DLGAP1: variants seen among roughly 807,000 people sequenced by gnomAD.
DLGAP1 encodes the protein disks large-associated protein 1.
In DLGAP1, 11 loss-of-function variants were observed where a neutral mutation model predicts 90.8. That is an observed-to-expected ratio of 0.12 (90% confidence interval 0.08 to 0.20). The LOEUF (loss-of-function observed/expected upper bound fraction) is 0.20, where lower values mean the gene tolerates loss of function less well. DLGAP1 is among the 10% of genes least tolerant of loss of function. The pLI is 1.00. For missense variants in DLGAP1, 1,050 were observed against 1,333.8 expected (o/e 0.79, Z 3.31); for synonymous variants, 558 against 540.7 (o/e 1.03, Z -0.44).
At chr18:3,699,612 G>A (rs1365315484) in intron 7 of DLGAP1, among the ~76,000 whole-genome samples, 3 of 152,094 alleles carry the variant, frequency 2.0e-5, no homozygotes, top group Non-Finnish European at 2.9e-5. Flanking sequence ...GAGGCATGGG[G>A]GTCAGGGACC....
At chr18:3,718,731 G>T (rs1355437346) in intron 7 of DLGAP1, among the ~76,000 whole-genome samples, 1 of 152,006 alleles carries the variant, frequency 6.6e-6, no homozygotes, top group Non-Finnish European at 1.5e-5. Context: ...TTCGAGACCA[G>T]CCTGGCCAAC....
At chr18:3,619,728 CT>C (rs1207015265) in intron 7 of DLGAP1, among the ~76,000 whole-genome samples, 2 of 103,130 alleles carry the variant, frequency 1.9e-5, no homozygotes, top group African/African-American at 3.9e-5. Context: ...TCCTGATGCT[CT>C]TTTAGTTTTT....
chr18:3,606,302 C>T (rs932700427), intron 7 of DLGAP1, among the ~76,000 whole-genome samples: 7 of 152,260 alleles, frequency 4.6e-5, no homozygotes, highest in Non-Finnish European at 4.4e-5. Context: ...AACCCTTCCC[C>T]GCTTCCTTCC....
At chr18:3,826,432 T>A (rs1277369775) in intron 4 of DLGAP1, among the ~76,000 whole-genome samples, 2 of 152,076 alleles carry the variant, frequency 1.3e-5, no homozygotes, top group Admixed American at 6.5e-5. Context: ...ATAGGCATGT[T>A]AATAGTGGCA....
intron 1 of DLGAP1, among the ~76,000 whole-genome samples, chr18:4,401,907 T>C (rs1478049686): frequency 6.6e-6 from 1 of 152,206 alleles, no homozygotes; most frequent in African/African-American, 2.4e-5. Context: ...CCCTCCCCCA[T>C]TGACTATATT....
At chr18:3,983,561 G>A (rs908029888) in intron 3 of DLGAP1, 2 of 152,082 alleles carry the variant, frequency 1.3e-5, no homozygotes, top group Non-Finnish European at 2.9e-5. Flanking sequence ...GACATCATTA[G>A]GTTAAAAAAA....
chr18:3,615,165 G>A (rs753013587), intron 7 of DLGAP1, among the ~76,000 whole-genome samples: 29 of 152,132 alleles, frequency 1.9e-4, no homozygotes, highest in African/African-American at 4.6e-4. Flanking sequence ...CATGTGATCC[G>A]CCAGCCTCGG....
In DLGAP1 at chr18:4,406,569, G is replaced by T. The variant is rs572400350; in HGVS notation, c.-267+48437C>A. Among the ~76,000 whole-genome samples, 17 of 152,306 alleles carry T rather than the reference G, an allele frequency of 1.1e-4. 1 individual carries two copies. The South Asian group carries it at 3.3e-3, about 30-fold the overall frequency. ...TAACAGAGGTTTGTGAATGTCCAAG[G>T]TCACACTGCTAGGAAAAGGCAAGTC... On this transcript the variant is annotated intron_variant, in intron 1 of 12. Coordinates refer to ENST00000315677, the MANE Select transcript of DLGAP1 (RefSeq NM_004746.4).
At position 3,976,717 on chromosome 18, in the gene DLGAP1, G is replaced by A. The variant is rs559135472; in HGVS notation, c.-73+28399C>T. ...CATTATTTTCTTAGGAGAATGTCCT[G>A]TAATGAAATCATGGAGTTAAAGGCA... On this transcript the variant is annotated intron_variant, in intron 3 of 12. Coordinates refer to ENST00000315677, the MANE Select transcript of DLGAP1 (RefSeq NM_004746.4). Among the ~76,000 whole-genome samples, 10 of 152,240 alleles carry A rather than the reference G, an allele frequency of 6.6e-5. No homozygotes were observed. The South Asian group carries it at 2.1e-3, about 32-fold the overall frequency.
At chr18:4,330,214 T>C (rs980409105) in intron 1 of DLGAP1, among the ~76,000 whole-genome samples, 1 of 151,926 alleles carries the variant, frequency 6.6e-6, no homozygotes, top group Non-Finnish European at 1.5e-5. Flanking sequence ...ATGATACTCA[T>C]ATAATTTTCT....
intron 3 of DLGAP1, among the ~76,000 whole-genome samples, chr18:3,980,468 A>T (rs1023183512): frequency 1.3e-5 from 2 of 152,188 alleles, no homozygotes; most frequent in East Asian, 3.9e-4. Context: ...ATGAAGTGGG[A>T]TATTCATCTT....
intron 2 of DLGAP1, among the ~76,000 whole-genome samples, chr18:4,070,584 T>C (rs4464174): frequency 0.83 from 125,072 of 151,594 alleles, 51,817 homozygotes; most frequent in East Asian, 0.94. Context: ...AGATCTATGC[T>C]AAGAGAAACA....
chr18:3,997,870 C>T (rs1196348662), intron 3 of DLGAP1, among the ~76,000 whole-genome samples: 1 of 151,842 alleles, frequency 6.6e-6, no homozygotes, highest in Non-Finnish European at 1.5e-5. Flanking sequence ...TAAGTTTTTG[C>T]TATCTGGTGT....
At position 3,526,775 on chromosome 18, in the gene DLGAP1, A is replaced by C. The variant is rs1364100970; in HGVS notation, c.2479+7419T>G. Among the ~76,000 whole-genome samples, 1 of 152,192 alleles carries C rather than the reference A, an allele frequency of 6.6e-6. No homozygotes were observed. The highest frequency in any genetic ancestry group is 1.5e-5 in the Non-Finnish European group (1 of 68,036). ...CTGGTCGTTTCATCCCCGGTTAGATAATACCAGACGTATCTATGTAACATA... is the reference window on the plus strand; with the variant it reads ...CTGGTCGTTTCATCCCCGGTTAGATCATACCAGACGTATCTATGTAACATA... On this transcript the variant is annotated intron_variant, in intron 10 of 12. Coordinates refer to ENST00000315677, the MANE Select transcript of DLGAP1 (RefSeq NM_004746.4). This position sits in a 1 kb window ranked among gnomAD's most constrained non-coding sequence, Gnocchi z 4.7.
chr18:3,923,133 CAA>C (rs34107115), intron 3 of DLGAP1, among the ~76,000 whole-genome samples: 4 of 71,190 alleles, frequency 5.6e-5, no homozygotes, highest in Non-Finnish European at 2.4e-5. Flanking sequence ...GAACCTGTCT[CAA>C]AAAAAAAAAA....
chr18:3,751,245 G>A (rs1184027729), intron 5 of DLGAP1, among the ~76,000 whole-genome samples: 7 of 152,128 alleles, frequency 4.6e-5, no homozygotes, highest in African/African-American at 1.7e-4. Context: ...GGGTAACTCA[G>A]TTGATCATTA....
chr18:4,348,400 A>ATGTGTGTG (rs71160958), intron 1 of DLGAP1, among the ~76,000 whole-genome samples: 1,490 of 133,460 alleles, frequency 0.011, 19 homozygotes, highest in African/African-American at 0.017. Flanking sequence ...GAACTCAGGA[A>ATGTGTGTG]TGTGTGTGTG....
intron 1 of DLGAP1, among the ~76,000 whole-genome samples, chr18:4,181,149 C>G (rs1259937381): frequency 6.6e-6 from 1 of 152,130 alleles, no homozygotes; most frequent in African/African-American, 2.4e-5. Flanking sequence ...GTCCTTTGAT[C>G]ACATCCATCT....
At chr18:3,874,649 A>T (rs1271634706) in intron 4 of DLGAP1, 1 of 1,535,600 alleles carries the variant, frequency 6.5e-7, no homozygotes, top group African/African-American at 1.4e-5. Flanking sequence ...TTCCAAATGT[A>T]TAAGAGCCAA....
Sources: allele counts gnomAD v4.1 joint callset (sites outside exome capture counted in the v4.1 genomes callset), GRCh38; gene constraint gnomAD v4.1.1; non-coding constraint Gnocchi (gnomAD v3.1); transcripts MANE v1.5; gene names NCBI Gene and HGNC (gene_info 2026-07-23, HGNC 2026-07-21).